The following ADK variants were observed in gnomAD, a reference collection of about 807,000 sequenced individuals.
ADK encodes adenosine kinase.
In ADK, 24 loss-of-function variants were observed where a neutral mutation model predicts 44.7. The ratio of observed to expected loss-of-function variants is 0.54; its 90% confidence interval spans 0.39 to 0.76. The LOEUF (loss-of-function observed/expected upper bound fraction) is 0.76. ADK is among the 30% of genes least tolerant of loss of function. The pLI, the probability that ADK is intolerant of heterozygous loss-of-function variation, is 0.00. For synonymous variants in ADK, 128 were observed against 142.6 expected (o/e 0.90, Z 0.73); for missense variants, 321 against 425.1 (o/e 0.76, Z 2.15).
chr10:74,690,590 T>C (rs1225502052), intron 10 of ADK, among the ~76,000 whole-genome samples: 1 of 152,246 alleles, frequency 6.6e-6, no homozygotes, highest in African/African-American at 2.4e-5. Context: ...CCTTTGACTA[T>C]ATTGCAAAAT....
At chr10:74,630,994 A>T (rs1226143829) in intron 9 of ADK, among the ~76,000 whole-genome samples, 2 of 151,790 alleles carry the variant, frequency 1.3e-5, no homozygotes, top group African/African-American at 4.8e-5. Context: ...TGTGTTTCTC[A>T]AATTGTCGTA....
chr10:74,691,888 A>T (rs769050654), intron 10 of ADK, among the ~76,000 whole-genome samples: 6 of 152,174 alleles, frequency 3.9e-5, no homozygotes, highest in Non-Finnish European at 8.8e-5. Context: ...GAGGATGTGT[A>T]GCACTGGGAA....
At chr10:74,344,704 C>CTA (rs1841703305) in intron 4 of ADK, 1 of 174,812 alleles carries the variant, frequency 5.7e-6, no homozygotes, top group African/African-American at 2.4e-5. Flanking sequence ...GTTGTGCAGT[C>CTA]TTAACACAGT....
chr10:74,202,166 T>C (rs1482638901), intron 2 of ADK, among the ~76,000 whole-genome samples: 3 of 152,186 alleles, frequency 2.0e-5, no homozygotes, highest in African/African-American at 7.2e-5. Context: ...ATTCTGAGCA[T>C]TTTATAGAAA....
chr10:74,689,888 C>T (rs1855925975), intron 10 of ADK, among the ~76,000 whole-genome samples: 1 of 152,206 alleles, frequency 6.6e-6, no homozygotes, highest in Non-Finnish European at 1.5e-5. Context: ...TAGTGGTTCT[C>T]AAACTTGAGC....
intron 7 of ADK, among the ~76,000 whole-genome samples, chr10:74,538,256 A>AC (rs1030705411): frequency 1.5e-5 from 2 of 129,220 alleles, no homozygotes; most frequent in African/African-American, 7.2e-5. Context: ...TCCGTCTCAC[A>AC]AAAAAAAAAA....
chr10:74,257,276 A>G lies in ADK; in HGVS notation c.194+32685A>G, dbSNP rs192695163. Among the ~76,000 whole-genome samples the G allele has an allele frequency of 4.0e-3, 609 of 152,326 alleles. 3 individuals are homozygous for G. Among genetic ancestry groups the G allele is most frequent in the African/African-American group, 0.014 (572 of 41,572 alleles). Reference sequence around the variant, plus strand: ...GGCTCTCTGTATGCGCAAGTTTCGTATCCTGTGAATTCTGTATTTTCAATC... The same window carrying G: ...GGCTCTCTGTATGCGCAAGTTTCGTGTCCTGTGAATTCTGTATTTTCAATC... On this transcript the variant is annotated intron_variant, in intron 3 of 10. Transcript: ENST00000539909.
At chr10:74,322,972 A>T (rs1288873853) in intron 4 of ADK, among the ~76,000 whole-genome samples, 4 of 152,232 alleles carry the variant, frequency 2.6e-5, no homozygotes, top group Non-Finnish European at 5.9e-5. Flanking sequence ...AAATCTACAC[A>T]TATCACAGTT....
intron 1 of ADK, among the ~76,000 whole-genome samples, chr10:74,166,951 T>C (rs1842052292): frequency 6.6e-6 from 1 of 152,234 alleles, no homozygotes. Flanking sequence ...GATTTGTGAA[T>C]GCACCTGTTA....
Position 74,151,257 on chromosome 10 carries a change from A to C in ADK, c.-22A>C, listed in dbSNP as rs1564561960. 1.3e-6 allele frequency: 2 copies of C among 1,549,638 alleles called. No homozygotes were observed. Among genetic ancestry groups the C allele is most frequent in the East Asian group, 2.4e-5 (1 of 40,904 alleles). On this transcript the variant is annotated 5_prime_UTR_variant, in exon 1 of 11. Transcript: ENST00000539909. Reference sequence around the variant, plus strand: ...GATGGCAGAGGTGGGCTGTAGAGCCAAAGTGGGGTGGGAGCGCGAAGATGG... The same window carrying C: ...GATGGCAGAGGTGGGCTGTAGAGCCCAAGTGGGGTGGGAGCGCGAAGATGG...
At chr10:74,691,151 C>T (rs895192906) in intron 10 of ADK, among the ~76,000 whole-genome samples, 13 of 152,188 alleles carry the variant, frequency 8.5e-5, no homozygotes, top group African/African-American at 3.1e-4. Flanking sequence ...GTAAGTTTAA[C>T]AGGCCAGTTT....
Position 74,708,396 on chromosome 10 carries a change from T to C in ADK, c.1040T>C (p.Ile347Thr). ...GCTGGCCACTATGCAGCAAGCATCA[T>C]AATTAGACGGACTGGCTGCACCTTT... ...IRAGHYAASI[I>T]IRRTGCTFPE... The change falls in exon 11 of 11, where the codon ATA becomes ACA. Residue 347 changes from isoleucine (I) to threonine (T), a missense_variant. By Grantham distance (89) the Ile-to-Thr change is moderately conservative. Transcript: ENST00000539909. 1.2e-6 allele frequency: 2 copies of C among 1,612,886 alleles called. No individual in the cohort carries two copies. The highest frequency in any genetic ancestry group is 1.7e-6 in the Non-Finnish European group (2 of 1,179,614).
intron 7 of ADK, among the ~76,000 whole-genome samples, chr10:74,566,021 G>A (rs1414515187): frequency 6.6e-6 from 1 of 151,804 alleles, no homozygotes; most frequent in South Asian, 2.1e-4. Flanking sequence ...CTTTTATTGT[G>A]GTATTAATTC....
rs576911413 is a variant in ADK, at chr10:74,521,118, G to C, written c.556-4138G>C. ...GTCTGGAACATGTGGCCCAGCAAAG[G>C]TTATAAATCTAGCAAGAAAAATTAT... is the stretch of plus-strand genomic sequence containing the variant. On this transcript the variant is annotated intron_variant, in intron 6 of 10. Coordinates refer to ENST00000539909, the MANE Select transcript of ADK (RefSeq NM_006721.4). 3.3e-5 allele frequency among the ~76,000 whole-genome samples: 5 copies of C among 152,152 alleles called. No homozygotes were observed. The South Asian group carries it at 1.0e-3, about 32-fold the overall frequency.
intron 9 of ADK, among the ~76,000 whole-genome samples, chr10:74,659,253 CA>C (rs1240116553): frequency 1.3e-5 from 2 of 152,110 alleles, no homozygotes; most frequent in Non-Finnish European, 2.9e-5. Flanking sequence ...ACACACTAAA[CA>C]AAGGGGAAAT....
chr10:74,547,432 AT>A (rs1849861254), intron 7 of ADK, among the ~76,000 whole-genome samples: 1 of 119,948 alleles, frequency 8.3e-6, no homozygotes, highest in African/African-American at 4.8e-5. Context: ...TTCCCACTTT[AT>A]ATATATATAT....
intron 2 of ADK, among the ~76,000 whole-genome samples, chr10:74,216,491 A>G (rs1450132341): frequency 6.6e-6 from 1 of 152,020 alleles, no homozygotes; most frequent in Non-Finnish European, 1.5e-5. Context: ...TTGGGAGGAC[A>G]AGGTGGGCGG....
At chr10:74,225,553 A>G (rs2132248117) in intron 3 of ADK, among the ~76,000 whole-genome samples, 1 of 152,300 alleles carries the variant, frequency 6.6e-6, no homozygotes, top group East Asian at 1.9e-4. Context: ...ACTGCTTTTT[A>G]AAAACTGTCT....
intron 4 of ADK, among the ~76,000 whole-genome samples, chr10:74,378,321 A>G (rs1842875855): frequency 6.6e-6 from 1 of 152,092 alleles, no homozygotes; most frequent in African/African-American, 2.4e-5. Flanking sequence ...AGATTGTGAT[A>G]TTGTGCTTTC....
Sources: gnomAD v4.1 joint callset for allele counts (sites outside exome capture counted in the v4.1 genomes callset) on GRCh38, gnomAD v4.1.1 for gene constraint, MANE v1.5 for transcripts, NCBI Gene and HGNC (gene_info 2026-07-23, HGNC 2026-07-21) for gene names.